Variants in TRIO observed in about 807,000 individuals in gnomAD.
The protein encoded by TRIO is trio Rho guanine nucleotide exchange factor.
A neutral mutation model predicts 351.9 loss-of-function variants in TRIO; 58 were observed. That is an observed-to-expected ratio of 0.16 (90% CI 0.13 to 0.21). TRIO has a LOEUF of 0.21. Among genes scored for constraint, TRIO ranks in the 10% least tolerant of loss-of-function variants. The pLI, the probability that TRIO is intolerant of heterozygous loss-of-function variation, is 1.00. For synonymous variants in TRIO, 1,758 were observed against 1,595.7 expected (o/e 1.10, Z -2.42); for missense variants, 3,201 against 4,027.8 (o/e 0.79, Z 5.56).
intron 1 of TRIO, among the ~76,000 whole-genome samples, chr5:14,180,939 A>G (rs1789730256): frequency 6.6e-6 from 1 of 152,208 alleles, no homozygotes; most frequent in Non-Finnish European, 1.5e-5. Flanking sequence ...ATATACTAAA[A>G]TATTTAATTT....
At chr5:14,337,383 T>C (rs1741517710) in intron 11 of TRIO, among the ~76,000 whole-genome samples, 1 of 152,228 alleles carries the variant, frequency 6.6e-6, no homozygotes, top group Non-Finnish European at 1.5e-5. Context: ...TAAAAGTTCA[T>C]ATTCAGGGTG....
At chr5:14,266,542 C>T (rs1370506666) in intron 1 of TRIO, among the ~76,000 whole-genome samples, 1 of 152,210 alleles carries the variant, frequency 6.6e-6, no homozygotes, top group Non-Finnish European at 1.5e-5. Context: ...CATTTATGCT[C>T]ACACTGACAT....
At chr5:14,183,658 C>G in intron 1 of TRIO, 1 of 275,564 alleles carries the variant, frequency 3.6e-6, no homozygotes, top group Non-Finnish European at 6.8e-6. Context: ...TCATTTTTTT[C>G]CCCCTCCATA....
intron 1 of TRIO, among the ~76,000 whole-genome samples, chr5:14,211,608 T>TG (rs397747653): frequency 4.0e-5 from 6 of 149,872 alleles, no homozygotes; most frequent in Admixed American, 2.0e-4. Context: ...TTTTTTTTTT[T>TG]GTAAATTTAA....
chr5:14,386,158 G>A (rs915075578), intron 21 of TRIO, among the ~76,000 whole-genome samples: 25 of 152,196 alleles, frequency 1.6e-4, no homozygotes, highest in African/African-American at 5.8e-4. Context: ...GTCCAGGGAG[G>A]GCCCGCTAAG....
chr5:14,457,306 G>A (rs1351454365), intron 34 of TRIO, among the ~76,000 whole-genome samples: 7 of 144,456 alleles, frequency 4.8e-5, no homozygotes, highest in Non-Finnish European at 1.0e-4. Flanking sequence ...ATCAATGGCA[G>A]TTGTCACCCA....
chr5:14,350,853 A>C (rs1034435184), intron 11 of TRIO, among the ~76,000 whole-genome samples: 2 of 152,046 alleles, frequency 1.3e-5, no homozygotes, highest in African/African-American at 2.4e-5. Context: ...CGATTTTTCC[A>C]CAGACCAGCG....
chr5:14,238,349 T>C (rs946691893), intron 1 of TRIO, among the ~76,000 whole-genome samples: 3 of 152,230 alleles, frequency 2.0e-5, no homozygotes, highest in Admixed American at 6.5e-5. Context: ...TTAAAACATT[T>C]ATACTGTCAG....
chr5:14,461,293 G>C lies in TRIO; in HGVS notation c.5478G>C (p.Gln1826His), dbSNP rs546441900. 6.3e-7 allele frequency: 1 copy of C among 1,584,072 alleles called. No individual in the cohort carries two copies. The highest frequency in any genetic ancestry group is 8.6e-7 in the Non-Finnish European group (1 of 1,164,852). Residue 1826 changes from glutamine (Q) to histidine (H), a missense_variant, in exon 35 of 57, where the codon CAG becomes CAC. This residue lies in a region of TRIO where 193 missense variants were observed against 218.8 expected (regional missense o/e 0.88). Transcript: ENST00000344204. Reference protein sequence around the residue: ...KDSDDSAATPQDETVEERGRN... With the variant: ...KDSDDSAATPHDETVEERGRN... ...CCGACGACAGTGCGGCCACCCCGCAGGACGAGACGGTCGAGGAGGTGAGGC... is the reference window on the plus strand; with the variant it reads ...CCGACGACAGTGCGGCCACCCCGCACGACGAGACGGTCGAGGAGGTGAGGC...
At chr5:14,363,698 T>A (rs1744353605) in intron 13 of TRIO, 34 bp from the exon 14 acceptor site, 2 of 1,598,616 alleles carry the variant, frequency 1.3e-6, no homozygotes, top group South Asian at 1.1e-5. Flanking sequence ...GCATGTATAT[T>A]TTTTTTGTCT....
At chr5:14,353,445 G>A (rs540087941) in intron 11 of TRIO, among the ~76,000 whole-genome samples, 9 of 151,946 alleles carry the variant, frequency 5.9e-5, no homozygotes, top group Admixed American at 2.0e-4. Flanking sequence ...TGTATTTTTA[G>A]TAGAGACAGG....
In TRIO at chr5:14,187,481, C is replaced by A. The variant is rs547305640; in HGVS notation, c.157+43599C>A. ...CCCTGCAGTCCTTAACATGACATCT[C>A]CCCCATAATTGACTCTCAGTCAGTA... On this transcript the variant is annotated intron_variant, in intron 1 of 56. Coordinates refer to ENST00000344204, the MANE Select transcript of TRIO (RefSeq NM_007118.4). Among the ~76,000 whole-genome samples, 16 of 152,222 alleles carry A rather than the reference C, an allele frequency of 1.1e-4. No individual in the cohort carries two copies. The South Asian group carries it at 3.1e-3, about 30-fold the overall frequency.
chr5:14,410,191 A>G (rs1042792327), intron 33 of TRIO, among the ~76,000 whole-genome samples: 10 of 152,184 alleles, frequency 6.6e-5, no homozygotes, highest in Non-Finnish European at 4.4e-5. Flanking sequence ...AGACTTGCCA[A>G]TAAGTCAGAA....
chr5:14,430,895 G>A (rs1751055330), intron 34 of TRIO, among the ~76,000 whole-genome samples: 1 of 151,946 alleles, frequency 6.6e-6, no homozygotes, highest in Admixed American at 6.6e-5. Flanking sequence ...TATTTTAAAT[G>A]GAGGCGGAGT....
intron 20 of TRIO, among the ~76,000 whole-genome samples, chr5:14,379,885 C>G (rs2152352611): frequency 6.6e-6 from 1 of 152,310 alleles, no homozygotes; most frequent in Admixed American, 6.5e-5. Context: ...GCAGCACATA[C>G]CCAGTGCTTT....
chr5:14,354,709 G>A (rs916720394), intron 11 of TRIO, among the ~76,000 whole-genome samples: 1 of 152,198 alleles, frequency 6.6e-6, no homozygotes, highest in Non-Finnish European at 1.5e-5. Flanking sequence ...AGGCAGCACC[G>A]TTGGTAGCGT....
At chr5:14,225,843 C>T (rs549806529) in intron 1 of TRIO, among the ~76,000 whole-genome samples, 14 of 119,796 alleles carry the variant, frequency 1.2e-4, no homozygotes, top group South Asian at 1.1e-3. Flanking sequence ...GGCATAACAA[C>T]GGGGGTGGGC....
At chr5:14,291,519 G>T (rs906328464) in intron 5 of TRIO, among the ~76,000 whole-genome samples, 2 of 151,670 alleles carry the variant, frequency 1.3e-5, no homozygotes, top group African/African-American at 4.8e-5. Flanking sequence ...CATTTCGGCC[G>T]TGCTCACGCC....
chr5:14,411,612 T>C (rs986666978), intron 33 of TRIO, among the ~76,000 whole-genome samples: 13 of 152,202 alleles, frequency 8.5e-5, no homozygotes, highest in African/African-American at 3.1e-4. Context: ...AGTCACTCTT[T>C]TTTTAAAATT....
Sources: gnomAD v4.1 joint callset for allele counts (sites outside exome capture counted in the v4.1 genomes callset) on GRCh38, gnomAD v4.1.1 for gene constraint, gnomAD v4.1.1 regional missense constraint, MANE v1.5 for transcripts, NCBI Gene and HGNC (gene_info 2026-07-23, HGNC 2026-07-21) for gene names.